Variants in LONP1 observed in about 807,000 individuals in gnomAD.
LONP1 encodes the protein lon protease homolog, mitochondrial.
Under a neutral mutation model 98.5 loss-of-function variants are expected in LONP1, and 31 were observed. That is an observed-to-expected ratio of 0.31 (90% CI 0.24 to 0.42). The LOEUF is 0.42. Among genes scored for constraint, LONP1 ranks in the 20% least tolerant of loss-of-function variants. The probability of loss-of-function intolerance (pLI) is 1.00; values close to 1 mark genes in which losing one functional copy is unlikely to be tolerated. For synonymous variants in LONP1, 781 were observed against 594.7 expected (o/e 1.31, Z -4.56); for missense variants, 1,336 against 1,350.6 (o/e 0.99, Z 0.17).
Position 5,701,004 on chromosome 19 carries a change from T to C in LONP1, c.1368-77A>G, listed in dbSNP as rs376723397. The stretch of plus-strand genomic sequence containing the variant: ...CTCTCTGCTGGACTTGGCTGGGTGG[T>C]TGCAAGGGGCTTGAAACCCATGTGT... On this transcript the variant is annotated intron_variant, in intron 8 of 17. Coordinates refer to ENST00000360614, the MANE Select transcript of LONP1 (RefSeq NM_004793.4). The C allele has an allele frequency of 1.5e-4, 239 of 1,565,150 alleles. 1 individual carries two copies. The African/African-American group carries it at 2.5e-3, about 16-fold the overall frequency.
chr19:5,708,262 A>T, intron 5 of LONP1, 80 bp downstream of exon 5: 1 of 1,414,972 alleles, frequency 7.1e-7, no homozygotes, highest in Non-Finnish European at 9.8e-7. Flanking sequence ...GAGGACGCTG[A>T]GGAAGCCCCC....
intron 4 of LONP1, among the ~76,000 whole-genome samples, chr19:5,709,883 G>A (rs1599473266): frequency 8.3e-6 from 1 of 120,470 alleles, no homozygotes; most frequent in Admixed American, 1.2e-4. Flanking sequence ...CTGCACTCCA[G>A]CCTGGGCGAC....
In LONP1 at chr19:5,702,258, G is replaced by T. The variant is rs1368735797; in HGVS notation, c.1368-1331C>A. Among the ~76,000 whole-genome samples the T allele has an allele frequency of 1.3e-4, 19 of 147,416 alleles. No individual in the cohort carries two copies. The East Asian group carries it at 3.2e-3, about 25-fold the overall frequency. ...CCCCGTCTGGGAGGGAGGTTGGGGG[G>T]GGGGTCAGCCCCCCACCAGGCCAGC... On this transcript the variant is annotated intron_variant, in intron 8 of 17. Coordinates refer to ENST00000360614, the MANE Select transcript of LONP1 (RefSeq NM_004793.4).
intron 1 of LONP1, among the ~76,000 whole-genome samples, chr19:5,716,259 C>CTTATATATAT (rs1246736058): frequency 1.3e-5 from 1 of 77,234 alleles, no homozygotes; most frequent in Non-Finnish European, 2.3e-5. Context: ...TTAAAATATA[C>CTTATATATAT]ATATATATAT....
intron 13 of LONP1, among the ~76,000 whole-genome samples, chr19:5,695,679 T>C (rs1242573207): frequency 4.0e-5 from 6 of 151,300 alleles, no homozygotes; most frequent in Non-Finnish European, 7.4e-5. Context: ...TGAAACCACT[T>C]CTCCTCCAAG....
chr19:5,696,254 A>C lies in LONP1; in HGVS notation c.1891T>G (p.Ser631Ala). Reference protein sequence around the residue: ...DHYLDVPVDLSKVLFICTANV... With the variant: ...DHYLDVPVDLAKVLFICTANV... Reference sequence around the variant, plus strand: ...GCCCCAGACAGGCCCCCCACCTTGGACAAGTCCACGGGCACGTCCAGGTAG... The same window carrying C: ...GCCCCAGACAGGCCCCCCACCTTGGCCAAGTCCACGGGCACGTCCAGGTAG... Residue 631 changes from serine (S) to alanine (A), a missense_variant, in exon 12 of 18, where the codon TCC (serine) becomes GCC (alanine). Ser to Ala is a moderately conservative substitution (Grantham distance 99). Around this residue, in one of 5 missense-constraint regions of LONP1, gnomAD observed 555 missense variants for 542.6 expected, o/e 1.02. Coordinates refer to ENST00000360614, the MANE Select transcript of LONP1 (RefSeq NM_004793.4). 3 of 1,613,260 alleles carry C rather than the reference A, an allele frequency of 1.9e-6. No homozygotes were observed. Among genetic ancestry groups the C allele is most frequent in the Non-Finnish European group, 2.5e-6 (3 of 1,179,864 alleles).
At chr19:5,692,593 C>G (rs573703997) in intron 17 of LONP1, among the ~76,000 whole-genome samples, 1 of 152,134 alleles carries the variant, frequency 6.6e-6, no homozygotes, top group Non-Finnish European at 1.5e-5. Context: ...CCAGGCCCTG[C>G]GTCACCCCCC....
chr19:5,700,390 G>C (rs1057498960), intron 9 of LONP1, among the ~76,000 whole-genome samples: 3 of 152,212 alleles, frequency 2.0e-5, no homozygotes, highest in Non-Finnish European at 2.9e-5. Flanking sequence ...TGGGATTACA[G>C]GCATGAGCCA....
At chr19:5,709,794 C>A (rs912637240) in intron 4 of LONP1, among the ~76,000 whole-genome samples, 13 of 150,774 alleles carry the variant, frequency 8.6e-5, no homozygotes, top group East Asian at 7.9e-4. Flanking sequence ...CACCTGTAGT[C>A]CCAGCTACTG....
chr19:5,692,856 G>A (rs940022345), intron 17 of LONP1, among the ~76,000 whole-genome samples: 20 of 152,136 alleles, frequency 1.3e-4, no homozygotes, highest in African/African-American at 4.8e-4. Flanking sequence ...CTAGACACAT[G>A]GCAAGTGTGG....
intron 1 of LONP1, among the ~76,000 whole-genome samples, chr19:5,718,595 T>C (rs1364273733): frequency 6.6e-6 from 1 of 152,038 alleles, no homozygotes. Context: ...TTGAGATTTG[T>C]TTAGAAGAGT....
At chr19:5,707,173 A>G (rs1318556829) in intron 6 of LONP1, 30 bp from the exon 7 acceptor site, 1 of 1,596,724 alleles carries the variant, frequency 6.3e-7, no homozygotes, top group Admixed American at 1.7e-5. Flanking sequence ...AGAAAGGATG[A>G]GCAGAAGTCG....
At chr19:5,714,115 G>A (rs553586079) in intron 2 of LONP1, 68 bp downstream of exon 2, 1 of 1,262,892 alleles carries the variant, frequency 7.9e-7, no homozygotes, top group Non-Finnish European at 1.1e-6. Context: ...AAAGTACAGA[G>A]TAGGACTTGT....
chr19:5,711,241 G>A (rs374338596), intron 4 of LONP1, among the ~76,000 whole-genome samples: 1 of 152,210 alleles, frequency 6.6e-6, no homozygotes, highest in African/African-American at 2.4e-5. Flanking sequence ...GAGCTGACAC[G>A]CTTCAGGCCT....
chr19:5,691,971 A>C lies in LONP1; in HGVS notation c.*61T>G. The C allele has an allele frequency of 1.1e-6, 1 of 886,424 alleles. No homozygotes were observed. 54.9% of individuals were successfully genotyped at this position (886,424 alleles called of 1,614,324 possible). On this transcript the variant is annotated 3_prime_UTR_variant, in exon 18 of 18. Coordinates refer to ENST00000360614, the MANE Select transcript of LONP1 (RefSeq NM_004793.4). ...TGCCAGGTCCGGGCGCGCTCCCCAC[A>C]GCGCTCAGTTCTGGCCCAGACAGGG...
intron 4 of LONP1, chr19:5,708,643 C>T: frequency 3.9e-6 from 2 of 513,706 alleles, no homozygotes; most frequent in Middle Eastern, 5.1e-4. Flanking sequence ...TCTCCTTACC[C>T]CTCAGAGCCT....
At chr19:5,717,433 C>T (rs1324368722) in intron 1 of LONP1, 1 of 152,210 alleles carries the variant, frequency 6.6e-6, no homozygotes, top group Non-Finnish European at 1.5e-5. Flanking sequence ...ATGAGAACCA[C>T]CTGCCAGTCT....
At chr19:5,708,062 G>A in intron 5 of LONP1, 1 of 613,234 alleles carries the variant, frequency 1.6e-6, no homozygotes, top group East Asian at 2.8e-5. Flanking sequence ...GCCGTGCAGT[G>A]ACCTCACCTC....
chr19:5,702,923 T>C (rs1279407099), intron 8 of LONP1, among the ~76,000 whole-genome samples: 1 of 150,620 alleles, frequency 6.6e-6, no homozygotes, highest in Non-Finnish European at 1.5e-5. Context: ...CAGAGACCCT[T>C]GTTCACTTGT....
Sources: allele counts gnomAD v4.1 joint callset (sites outside exome capture counted in the v4.1 genomes callset), GRCh38; gene constraint gnomAD v4.1.1; regional missense constraint gnomAD v4.1.1; transcripts MANE v1.5; gene names NCBI Gene and HGNC (gene_info 2026-07-23, HGNC 2026-07-21).